Variants in UGT1A7 observed in about 807,000 individuals in gnomAD.
The protein encoded by UGT1A7 is UDP-glucuronosyltransferase 1A7.
UGT1A7 carries 33 observed loss-of-function variants against 45.6 expected under a neutral mutation model. The ratio of observed to expected loss-of-function variants is 0.72; its 90% CI spans 0.55 to 0.97. The LOEUF (loss-of-function observed/expected upper bound fraction) is 0.97, where lower values mean the gene tolerates loss of function less well. Among genes scored for constraint, UGT1A7 ranks in the 50% least tolerant of loss-of-function variants. The pLI is 0.00. For synonymous variants in UGT1A7, 274 were observed against 250.6 expected, an observed-to-expected ratio of 1.09 and a Z score of -0.88; for missense variants, 684 against 666.2, an observed-to-expected ratio of 1.03 and a Z score of -0.29.
chr2:233,722,032 C>A, intron 1 of UGT1A7: 1 of 244,322 alleles, frequency 4.1e-6, no homozygotes, highest in Non-Finnish European at 8.2e-6. Flanking sequence ...TCTTGAATTG[C>A]ATGATTTTGT....
At chr2:233,735,698 A>C (rs1273245395) in intron 1 of UGT1A7, among the ~76,000 whole-genome samples, 2 of 152,000 alleles carry the variant, frequency 1.3e-5, no homozygotes, top group Admixed American at 6.5e-5. Flanking sequence ...CTTGTAAGGC[A>C]GGCCTGGTGG....
chr2:233,742,094 GA>G (rs1559385588), intron 1 of UGT1A7: 1 of 151,908 alleles, frequency 6.6e-6, no homozygotes, highest in East Asian at 1.9e-4. Context: ...ACATTTCCAG[GA>G]CCCACTGCCA....
At chr2:233,737,511 CCT>C (rs2078889208) in intron 1 of UGT1A7, among the ~76,000 whole-genome samples, 2 of 152,340 alleles carry the variant, frequency 1.3e-5, no homozygotes, top group South Asian at 4.1e-4. Flanking sequence ...TCTTGCACTT[CCT>C]AGGTGAGGCG....
Position 233,769,751 on chromosome 2 carries a change from AG to A in UGT1A7, c.1295+1314del. 1 of 1,422,830 alleles carries A rather than the reference AG, an allele frequency of 7.0e-7. No homozygotes were observed. Among genetic ancestry groups the A allele is most frequent in the South Asian group, 1.5e-5 (1 of 65,502 alleles). 88.1% of individuals were successfully genotyped at this position (1,422,830 alleles called of 1,614,324 possible). On this transcript the variant is annotated intron_variant, in intron 4 of 4. Coordinates refer to ENST00000373426, the MANE Select transcript of UGT1A7 (RefSeq NM_019077.3). This position sits in a 1 kb window ranked among gnomAD's most constrained non-coding sequence, Gnocchi z 4.4. ...ACGCCTGTAGTCCCAGCCACTCTGGAGGCTAAGGCGGGAGGATTGCTTGAGC... is the reference window on the plus strand; with the variant it reads ...ACGCCTGTAGTCCCAGCCACTCTGGAGCTAAGGCGGGAGGATTGCTTGAGC...
chr2:233,747,668 C>T (rs1693744696), intron 1 of UGT1A7: 1 of 1,603,064 alleles, frequency 6.2e-7, no homozygotes, highest in East Asian at 2.2e-5. Context: ...TTTTAATAGA[C>T]CCAATTTACC....
In UGT1A7 at chr2:233,768,019, T is replaced by C. The variant is rs1002687520; in HGVS notation, c.1075+83T>C. The C allele has an allele frequency of 6.2e-6, 10 of 1,613,626 alleles. No individual in the cohort carries two copies. In the African/African-American group the frequency reaches 1.2e-4, roughly 19 times the overall value. On this transcript the variant is annotated intron_variant, in intron 3 of 4. Coordinates refer to ENST00000373426, the MANE Select transcript of UGT1A7 (RefSeq NM_019077.3). ...TAAGCACAGCTATTCTAAAGGATTG[T>C]TGAGCTTGAAAATATTATGGCCAAC...
intron 1 of UGT1A7, among the ~76,000 whole-genome samples, chr2:233,699,289 G>A (rs2075496280): frequency 6.6e-6 from 1 of 151,998 alleles, no homozygotes; most frequent in African/African-American, 2.4e-5. Context: ...CCAGATGCTG[G>A]GACACTCTTA....
chr2:233,689,611 C>T (rs1249641289), intron 1 of UGT1A7, among the ~76,000 whole-genome samples: 2 of 152,142 alleles, frequency 1.3e-5, no homozygotes, highest in Non-Finnish European at 2.9e-5. Flanking sequence ...GTTTAAAATT[C>T]GGGGTTAGCA....
At chr2:233,730,838 T>G (rs2078079443) in intron 1 of UGT1A7, among the ~76,000 whole-genome samples, 1 of 152,124 alleles carries the variant, frequency 6.6e-6, no homozygotes, top group Admixed American at 6.5e-5. Context: ...CAGGAGAGGC[T>G]CATCACATCA....
intron 1 of UGT1A7, among the ~76,000 whole-genome samples, chr2:233,741,289 C>T (rs1426426367): frequency 2.6e-5 from 4 of 151,770 alleles, no homozygotes; most frequent in African/African-American, 7.3e-5. Context: ...GATTTATGTA[C>T]CCAATTGTGT....
In UGT1A7 at chr2:233,772,279, T is replaced by G. The variant is rs202172337; in HGVS notation, c.1313T>G (p.Met438Arg). Residue 438 changes from methionine to arginine, a missense_variant, in exon 5 of 5, where the codon ATG (methionine) becomes AGG (arginine). By Grantham distance (91) the Met-to-Arg change is moderately conservative. Transcript: ENST00000373426. ...INDKSYKENI[M>R]RLSSLHKDRP... The stretch of plus-strand genomic sequence containing the variant: ...GTGTTTAGTTACAAGGAGAACATCA[T>G]GCGCCTCTCCAGCCTTCACAAGGAC... 1.9e-6 allele frequency: 3 copies of G among 1,614,146 alleles called. No homozygotes were observed. The African/African-American group carries it at 4.0e-5, about 22-fold the overall frequency.
At chr2:233,740,454 A>T (rs1319736893) in intron 1 of UGT1A7, among the ~76,000 whole-genome samples, 4 of 151,980 alleles carry the variant, frequency 2.6e-5, no homozygotes, top group Admixed American at 2.0e-4. Flanking sequence ...GAGGAGAAGA[A>T]GATGATGGAC....
chr2:233,743,180 G>A, intron 1 of UGT1A7: 1 of 369,298 alleles, frequency 2.7e-6, no homozygotes, highest in East Asian at 7.3e-5. Context: ...GTCAAATGTG[G>A]ACTGGAATTA....
At chr2:233,719,414 A>G (rs1348956274) in intron 1 of UGT1A7, 9 of 1,613,880 alleles carry the variant, frequency 5.6e-6, no homozygotes, top group Non-Finnish European at 7.6e-6. Context: ...CTAAGTTACT[A>G]ACGACCAATT....
At chr2:233,691,541 C>T in intron 1 of UGT1A7, 1 of 985,666 alleles carries the variant, frequency 1.0e-6, no homozygotes, top group Non-Finnish European at 1.2e-6. Flanking sequence ...CTGGGCAAGT[C>T]TGTTCTAGTA....
At chr2:233,731,679 T>G (rs2078190648) in intron 1 of UGT1A7, among the ~76,000 whole-genome samples, 1 of 152,262 alleles carries the variant, frequency 6.6e-6, no homozygotes, top group East Asian at 1.9e-4. Flanking sequence ...TAATCCAGTC[T>G]ATCATTGATG....
chr2:233,748,077 C>T, intron 1 of UGT1A7: 1 of 1,613,256 alleles, frequency 6.2e-7, no homozygotes, highest in Non-Finnish European at 8.5e-7. Flanking sequence ...GCCACTATCT[C>T]AGGTCGGTGT....
intron 1 of UGT1A7, among the ~76,000 whole-genome samples, chr2:233,702,928 C>G (rs2075715316): frequency 6.6e-6 from 1 of 152,064 alleles, no homozygotes; most frequent in South Asian, 2.1e-4. Context: ...TCTTGCGGAG[C>G]CTTGGTCTGT....
At chr2:233,765,047 G>T (rs1698737192) in intron 1 of UGT1A7, among the ~76,000 whole-genome samples, 1 of 151,990 alleles carries the variant, frequency 6.6e-6, no homozygotes, top group Non-Finnish European at 1.5e-5. Context: ...AATTGCGTTT[G>T]CTGAGCCCTG....
Sources: allele counts gnomAD v4.1 joint callset (sites outside exome capture counted in the v4.1 genomes callset), GRCh38; gene constraint gnomAD v4.1.1; non-coding constraint Gnocchi (gnomAD v3.1); transcripts MANE v1.5; gene names NCBI Gene and HGNC (gene_info 2026-07-23, HGNC 2026-07-21).